Variants in CLPTM1L observed in about 807,000 individuals in gnomAD.
CLPTM1L encodes lipid scramblase CLPTM1L.
In CLPTM1L, 38 loss-of-function variants were observed where a neutral mutation model predicts 70.9. The observed-to-expected ratio is 0.54, with a 90% CI of 0.41 to 0.70. The LOEUF (loss-of-function observed/expected upper bound fraction) is 0.70, where lower values mean the gene tolerates loss of function less well. CLPTM1L is among the 30% of genes least tolerant of loss of function. The probability of loss-of-function intolerance (pLI) is 0.00; values close to 1 mark genes in which losing one functional copy is unlikely to be tolerated. For missense variants in CLPTM1L, 652 were observed against 705.9 expected, an observed-to-expected ratio of 0.92 and a Z score of 0.87; for synonymous variants, 339 against 299.9, an observed-to-expected ratio of 1.13 and a Z score of -1.35.
At chr5:1,333,663 C>CTACTGTATACACACGGGA (rs1753329637) in intron 7 of CLPTM1L, among the ~76,000 whole-genome samples, 1 of 49,938 alleles carries the variant, frequency 2.0e-5, no homozygotes, top group Non-Finnish European at 4.0e-5. Context: ...TACACACCGG[C>CTACTGTATACACACGGGA]TGAGGATAAG....
At chr5:1,339,579 G>C (rs1753813215) in intron 3 of CLPTM1L, among the ~76,000 whole-genome samples, 1 of 127,032 alleles carries the variant, frequency 7.9e-6, no homozygotes, top group Non-Finnish European at 1.6e-5. Flanking sequence ...CGGACAGCAG[G>C]GTCGGCACCC....
chr5:1,318,588 A>T lies in CLPTM1L; in HGVS notation c.1533-135T>A. 4.2e-6 allele frequency: 3 copies of T among 715,898 alleles called. No individual in the cohort carries two copies. The highest frequency in any genetic ancestry group is 5.0e-5 in the Admixed American group (2 of 40,100). The allele number at this position is 715,898 out of a possible 1,614,324, so 44.3% of individuals were successfully genotyped here. ...AAATTAACTAAAAAGTCGAATCCTCAGAAGTTTTACTGCCGAGGGCTGAGG... is the reference window on the plus strand; with the variant it reads ...AAATTAACTAAAAAGTCGAATCCTCTGAAGTTTTACTGCCGAGGGCTGAGG... On this transcript the variant is annotated intron_variant, in intron 16 of 16. Transcript: ENST00000320895. The surrounding 1 kb of genome is among the most constrained non-coding windows in gnomAD (Gnocchi z 8.9).
At chr5:1,326,911 T>G (rs34562303) in intron 9 of CLPTM1L, among the ~76,000 whole-genome samples, 2 of 123,936 alleles carry the variant, frequency 1.6e-5, no homozygotes, top group Non-Finnish European at 1.7e-5. Context: ...CGGACACATT[T>G]CATCCAGCTC....
chr5:1,333,559 C>CA (rs1753306094), intron 7 of CLPTM1L, among the ~76,000 whole-genome samples: 1 of 109,846 alleles, frequency 9.1e-6, no homozygotes. Context: ...GTATACACAC[C>CA]GGATGAGGAT....
At chr5:1,333,638 A>AGG (rs11403831) in intron 7 of CLPTM1L, among the ~76,000 whole-genome samples, 1 of 32,344 alleles carries the variant, frequency 3.1e-5, no homozygotes, top group Non-Finnish European at 6.5e-5. Context: ...GATGAGGATA[A>AGG]GGGGGACTAC....
Position 1,324,828 on chromosome 5 carries a change from AAC to A in CLPTM1L, c.1147-17_1147-16del. On this transcript the variant is annotated splice_polypyrimidine_tract_variant and intron_variant, in intron 10 of 16. Transcript: ENST00000320895. ...TAAGTGCCAAACTGTTGTGAAATTC[AAC>A]ACAGTGATATTAATAGACTCAGGGA... is the stretch of plus-strand genomic sequence containing the variant. 1 of 1,612,086 alleles carries A rather than the reference AAC, an allele frequency of 6.2e-7. No individual in the cohort carries two copies. The highest frequency in any genetic ancestry group is 1.1e-5 in the South Asian group (1 of 91,034).
chr5:1,333,246 C>A (rs1270702480), intron 7 of CLPTM1L, among the ~76,000 whole-genome samples: 1 of 50,012 alleles, frequency 2.0e-5, no homozygotes, highest in African/African-American at 1.2e-4. Context: ...CTACTGTATA[C>A]ACACCAGATA....
intron 9 of CLPTM1L, among the ~76,000 whole-genome samples, chr5:1,327,201 C>G (rs56154535): frequency 1.5e-5 from 2 of 130,718 alleles, no homozygotes; most frequent in Admixed American, 7.5e-5. Context: ...CAGACACATT[C>G]CATCCAGCTC....
At chr5:1,327,768 C>T in intron 9 of CLPTM1L, among the ~76,000 whole-genome samples, 1 of 151,308 alleles carries the variant, frequency 6.6e-6, no homozygotes, top group African/African-American at 2.4e-5. Flanking sequence ...AGCTCCTCCT[C>T]TACAGGGACA....
In CLPTM1L at chr5:1,318,688, G is replaced by A. The variant is rs1270779263; in HGVS notation, c.1533-235C>T. On this transcript the variant is annotated intron_variant, in intron 16 of 16. Transcript: ENST00000320895. The surrounding 1 kb of genome is among the most constrained non-coding windows in gnomAD (Gnocchi z 8.9). ...CTCTCAAGGAAAGGGAAGCTTGGCC[G>A]AAGGGACGACCCGGAGGCTGCACGG... Among the ~76,000 whole-genome samples the A allele has an allele frequency of 6.6e-6, 1 of 152,180 alleles. No homozygotes were observed. The highest frequency in any genetic ancestry group is 1.5e-5 in the Non-Finnish European group (1 of 68,024).
intron 9 of CLPTM1L, chr5:1,326,213 G>T: frequency 3.9e-6 from 1 of 258,194 alleles, no homozygotes; most frequent in Non-Finnish European, 7.5e-6. Context: ...CATCACCCAC[G>T]GAGCTCAGGA....
chr5:1,341,899 A>G (rs935310043), intron 2 of CLPTM1L, 39 bp from the exon 3 acceptor site: 12 of 1,516,560 alleles, frequency 7.9e-6, no homozygotes, highest in Non-Finnish European at 9.1e-7. Context: ...TACATATTAT[A>G]TTCTGGGTCT....
At chr5:1,331,765 A>G in intron 8 of CLPTM1L, 34 bp downstream of exon 8, 1 of 1,589,690 alleles carries the variant, frequency 6.3e-7, no homozygotes. Context: ...CCTGGGGCAG[A>G]GTATCTGAGC....
At chr5:1,343,381 AGT>A (rs1754070719) in intron 2 of CLPTM1L, among the ~76,000 whole-genome samples, 1 of 152,196 alleles carries the variant, frequency 6.6e-6, no homozygotes, top group Non-Finnish European at 1.5e-5. Context: ...CTGTGTTAAG[AGT>A]GCTCATTCTC....
Position 1,330,309 on chromosome 5 carries a change from C to T in CLPTM1L, c.1051G>A (p.Val351Ile), listed in dbSNP as rs1753001363. The T allele has an allele frequency of 6.2e-7, 1 of 1,612,838 alleles. No homozygotes were observed. Among genetic ancestry groups the T allele is most frequent in the Non-Finnish European group, 8.5e-7 (1 of 1,179,986 alleles). Residue 351 changes from valine to isoleucine, a missense_variant, in exon 9 of 17, where the codon GTC becomes ATC. Val to Ile is a conservative substitution (Grantham distance 29, BLOSUM62 3). This residue lies in a region of CLPTM1L where 240 missense variants were observed against 295.0 expected (regional missense o/e 0.81). Transcript: ENST00000320895. ...ATGGCGGCTCCAACACCCGCCGGGA[C>T]CAGCACCAGCAGGCTCGTCTGCTCG... is the stretch of plus-strand genomic sequence containing the variant. Reference protein sequence around the residue: ...LDEQTSLLVLVPAGVGAAIEL... With the variant: ...LDEQTSLLVLIPAGVGAAIEL...
chr5:1,343,515 G>A (rs1374587077), intron 2 of CLPTM1L, among the ~76,000 whole-genome samples: 3 of 152,246 alleles, frequency 2.0e-5, no homozygotes, highest in African/African-American at 7.2e-5. Flanking sequence ...ATTAAACCCA[G>A]TGCAGATGAA....
chr5:1,318,739 G>A lies in CLPTM1L; in HGVS notation c.1533-286C>T, dbSNP rs1218798039. 2.0e-5 allele frequency among the ~76,000 whole-genome samples: 3 copies of A among 152,144 alleles called. No individual in the cohort carries two copies. The highest frequency in any genetic ancestry group is 4.8e-5 in the African/African-American group (2 of 41,432). On this transcript the variant is annotated intron_variant, in intron 16 of 16. Transcript: ENST00000320895. This position sits in a 1 kb window ranked among gnomAD's most constrained non-coding sequence, Gnocchi z 8.9. ...GCTGCCATGGCTGAAGGGGGGACCC[G>A]GAGGCTGCACGGGCTGCCTTCTGGG...
In CLPTM1L at chr5:1,341,529, G is replaced by A. The variant is rs544960383; in HGVS notation, c.453+142C>T. On this transcript the variant is annotated intron_variant, in intron 3 of 16. Transcript: ENST00000320895. Reference sequence around the variant, plus strand: ...ATTCAGCTGAAAGTCAGAAATGCACGCCAGTAACATTCCAATGGCTTTTGG... The same window carrying A: ...ATTCAGCTGAAAGTCAGAAATGCACACCAGTAACATTCCAATGGCTTTTGG... The A allele has an allele frequency of 1.5e-4, 92 of 625,276 alleles. No individual in the cohort carries two copies. In the Middle Eastern group the frequency reaches 1.5e-3, roughly 10 times the overall value. The allele number at this position is 625,276 out of a possible 1,614,324, so 38.7% of individuals were successfully genotyped here.
rs1017234766 is a variant in CLPTM1L at position 1,322,762 on chromosome 5, A to T, written c.1315+115T>A. ...GCACATGTGCCAGAACAGGGTGGGG[A>T]GGGATTAGCCTCAAATCACAGGGGG... On this transcript the variant is annotated intron_variant, in intron 13 of 16. Coordinates refer to ENST00000320895, the MANE Select transcript of CLPTM1L (RefSeq NM_030782.5). The T allele has an allele frequency of 3.1e-5, 32 of 1,040,918 alleles. No homozygotes were observed. The African/African-American group carries it at 3.8e-4, about 12-fold the overall frequency. 64.5% of individuals were successfully genotyped at this position (1,040,918 alleles called of 1,614,324 possible).
Sources: allele counts gnomAD v4.1 joint callset (sites outside exome capture counted in the v4.1 genomes callset), GRCh38; gene constraint gnomAD v4.1.1; regional missense constraint gnomAD v4.1.1; non-coding constraint Gnocchi (gnomAD v3.1); transcripts MANE v1.5; gene names NCBI Gene and HGNC (gene_info 2026-07-23, HGNC 2026-07-21).